Variants in FAM174A observed in about 807,000 individuals in gnomAD.
The protein encoded by FAM174A is family with sequence similarity 174 member A.
In FAM174A, 14 loss-of-function variants were observed where a neutral mutation model predicts 14.3. The ratio of observed to expected loss-of-function variants is 0.98; its 90% CI spans 0.65 to 1.53. The LOEUF is 1.53. FAM174A is among the 40% of genes most tolerant of loss of function. The probability of loss-of-function intolerance (pLI) is 0.00; values close to 1 mark genes in which losing one functional copy is unlikely to be tolerated. For synonymous variants in FAM174A, 108 were observed against 111.4 expected (o/e 0.97, Z 0.19); for missense variants, 241 against 249.6 (o/e 0.97, Z 0.23).
chr5:100,576,663 T>A lies in FAM174A; in HGVS notation c.570-9518T>A, dbSNP rs559444711. On this transcript the variant is annotated intron_variant, in intron 2 of 2. Coordinates refer to ENST00000312637, the MANE Select transcript of FAM174A (RefSeq NM_198507.3). ...TGGATATTGAGTAGCTAACCACCGT[T>A]CCACCAACTGTGTCTTGTATGTTAA... 7.2e-5 allele frequency among the ~76,000 whole-genome samples: 11 copies of A among 152,286 alleles called. No homozygotes were observed. In the South Asian group the frequency reaches 2.3e-3, roughly 32 times the overall value.
chr5:100,586,209 T>C lies in FAM174A; in HGVS notation c.*25T>C. The C allele has an allele frequency of 7.1e-7, 1 of 1,412,640 alleles. No individual in the cohort carries two copies. Among genetic ancestry groups the C allele is most frequent in the Non-Finnish European group, 9.8e-7 (1 of 1,025,502 alleles). The allele number at this position is 1,412,640 out of a possible 1,614,324, so 87.5% of individuals were successfully genotyped here. On this transcript the variant is annotated 3_prime_UTR_variant, in exon 3 of 3. Coordinates refer to ENST00000312637, the MANE Select transcript of FAM174A (RefSeq NM_198507.3). ...AGAATGTGCCTTTTGATGAAAGAAC[T>C]TTATCTTTCTACAATGAAGAGTGGA...
At chr5:100,567,120 G>A (rs762040750) in intron 2 of FAM174A, among the ~76,000 whole-genome samples, 1 of 151,766 alleles carries the variant, frequency 6.6e-6, no homozygotes, top group African/African-American at 2.4e-5. Context: ...ACAAGAATTG[G>A]TTATAATAAT....
At chr5:100,570,587 A>C (rs1220934152) in intron 2 of FAM174A, among the ~76,000 whole-genome samples, 1 of 151,976 alleles carries the variant, frequency 6.6e-6, no homozygotes, top group Non-Finnish European at 1.5e-5. Context: ...AGGATTTCCC[A>C]GAACAGCTAT....
chr5:100,551,186 A>G (rs1746255447), intron 1 of FAM174A, among the ~76,000 whole-genome samples: 1 of 152,186 alleles, frequency 6.6e-6, no homozygotes, highest in South Asian at 2.1e-4. Flanking sequence ...AGTACAATCA[A>G]TAATACCTTG....
At chr5:100,544,427 G>T (rs78373882) in intron 1 of FAM174A, among the ~76,000 whole-genome samples, 1 of 151,970 alleles carries the variant, frequency 6.6e-6, no homozygotes, top group East Asian at 1.9e-4. Flanking sequence ...GAGAGAGAGA[G>T]AGAGAGATCG....
chr5:100,581,690 A>G (rs1463489858), intron 2 of FAM174A, among the ~76,000 whole-genome samples: 4 of 152,190 alleles, frequency 2.6e-5, no homozygotes, highest in Admixed American at 1.3e-4. Flanking sequence ...TGGTTGAGTC[A>G]TGCCAGGGAG....
chr5:100,563,681 A>G (rs1746579729), intron 2 of FAM174A, among the ~76,000 whole-genome samples: 1 of 151,920 alleles, frequency 6.6e-6, no homozygotes, highest in African/African-American at 2.4e-5. Flanking sequence ...CAACAGCAGA[A>G]GAATTCACAT....
intron 2 of FAM174A, among the ~76,000 whole-genome samples, chr5:100,567,073 T>G (rs1252563391): frequency 6.6e-6 from 1 of 151,878 alleles, no homozygotes; most frequent in East Asian, 1.9e-4. Context: ...AATTACCATC[T>G]TAACCAAGAT....
At chr5:100,562,026 T>G in intron 1 of FAM174A, 28 bp from the exon 2 acceptor site, 1 of 1,332,072 alleles carries the variant, frequency 7.5e-7, no homozygotes. Flanking sequence ...TAAATAATTT[T>G]TATTCATTAA....
At chr5:100,584,435 G>A (rs1434268428) in intron 2 of FAM174A, among the ~76,000 whole-genome samples, 1 of 152,010 alleles carries the variant, frequency 6.6e-6, no homozygotes, top group Admixed American at 6.6e-5. Flanking sequence ...GGTTTCTGGG[G>A]ACTCTGGTCT....
At chr5:100,555,674 G>A (rs1037389420) in intron 1 of FAM174A, among the ~76,000 whole-genome samples, 2 of 152,166 alleles carry the variant, frequency 1.3e-5, no homozygotes, top group Non-Finnish European at 2.9e-5. Context: ...TTTCTCTGAT[G>A]GCCAGTGATG....
chr5:100,548,921 T>C (rs1345371087), intron 1 of FAM174A, among the ~76,000 whole-genome samples: 1 of 152,094 alleles, frequency 6.6e-6, no homozygotes, highest in African/African-American at 2.4e-5. Flanking sequence ...TTTAATTTTC[T>C]CACTTATGAA....
intron 1 of FAM174A, among the ~76,000 whole-genome samples, chr5:100,555,778 G>GT (rs201961417): frequency 0.019 from 2,859 of 152,112 alleles, 74 homozygotes; most frequent in African/African-American, 0.063. Flanking sequence ...TGATGGGGTT[G>GT]TTTTTTTCTT....
chr5:100,538,883 G>A (rs1212551198), intron 1 of FAM174A, among the ~76,000 whole-genome samples: 2 of 151,972 alleles, frequency 1.3e-5, no homozygotes, highest in African/African-American at 4.8e-5. Flanking sequence ...GGGGTGGGGG[G>A]AAATCACTGT....
chr5:100,564,097 C>A (rs1227633300), intron 2 of FAM174A, among the ~76,000 whole-genome samples: 1 of 151,832 alleles, frequency 6.6e-6, no homozygotes, highest in Admixed American at 6.6e-5. Flanking sequence ...TCCCATTTCA[C>A]CTTGCACCAT....
chr5:100,569,975 G>A (rs903800312), intron 2 of FAM174A, among the ~76,000 whole-genome samples: 3 of 151,816 alleles, frequency 2.0e-5, no homozygotes, highest in African/African-American at 7.3e-5. Context: ...TTTAAAATGA[G>A]CAATAAGGAT....
intron 1 of FAM174A, among the ~76,000 whole-genome samples, chr5:100,539,447 CACA>C (rs1746008642): frequency 6.6e-6 from 1 of 152,090 alleles, no homozygotes; most frequent in Admixed American, 6.5e-5. Context: ...TACGCTAAGA[CACA>C]ACGTTAGGTT....
chr5:100,543,646 G>A (rs536811157), intron 1 of FAM174A, among the ~76,000 whole-genome samples: 9 of 151,722 alleles, frequency 5.9e-5, no homozygotes, highest in African/African-American at 2.2e-4. Flanking sequence ...CTGGAGGGGA[G>A]TGGCACAGTC....
chr5:100,574,390 G>A (rs1423333795), intron 2 of FAM174A, among the ~76,000 whole-genome samples: 2 of 151,830 alleles, frequency 1.3e-5, no homozygotes, highest in African/African-American at 4.8e-5. Context: ...GTTTTACCTT[G>A]TTGGCCAGGC....
Sources: gnomAD v4.1 joint callset for allele counts (sites outside exome capture counted in the v4.1 genomes callset) on GRCh38, gnomAD v4.1.1 for gene constraint, MANE v1.5 for transcripts, NCBI Gene and HGNC (gene_info 2026-07-23, HGNC 2026-07-21) for gene names.